Variants in PTPRG observed in about 807,000 individuals in gnomAD.
PTPRG encodes the protein receptor-type tyrosine-protein phosphatase gamma.
Under a neutral mutation model 165.3 loss-of-function variants are expected in PTPRG, and 102 were observed. That is an observed-to-expected ratio of 0.62 (90% confidence interval 0.53 to 0.73). PTPRG has a LOEUF of 0.73. Ranked by LOEUF, PTPRG falls within the 30% of genes least tolerant of loss-of-function variation. PTPRG has a pLI of 0.00. For synonymous variants in PTPRG, 675 were observed against 669.5 expected (o/e 1.01, Z -0.13); for missense variants, 1,866 against 1,861.4 (o/e 1.00, Z -0.05).
intron 2 of PTPRG, among the ~76,000 whole-genome samples, chr3:61,919,937 A>C (rs1157418049): frequency 6.6e-6 from 1 of 152,176 alleles, no homozygotes; most frequent in African/African-American, 2.4e-5. Context: ...TTCTAATCCT[A>C]TTGGTTACCC....
intron 1 of PTPRG, among the ~76,000 whole-genome samples, chr3:61,615,476 G>T (rs1701276107): frequency 2.6e-5 from 4 of 152,196 alleles, no homozygotes; most frequent in Non-Finnish European, 5.9e-5. Context: ...ATCCTATCAG[G>T]TGATTTGATT....
intron 2 of PTPRG, among the ~76,000 whole-genome samples, chr3:61,761,860 A>G (rs2033847717): frequency 6.6e-6 from 1 of 152,038 alleles, no homozygotes; most frequent in Non-Finnish European, 1.5e-5. Flanking sequence ...TGCCCCAATT[A>G]TTGTTGGCCA....
Position 62,233,757 on chromosome 3 carries a change from G to A in PTPRG, c.2375+2446G>A, listed in dbSNP as rs1700960816. On this transcript the variant is annotated intron_variant, in intron 14 of 29. Transcript: ENST00000474889. This position sits in a 1 kb window ranked among gnomAD's most constrained non-coding sequence, Gnocchi z 4.7. ...CTGTGCCGCTAAGACGCGTTGCACAGAGAATTGCTAAAAGCAGGACAACAG... is the reference window on the plus strand; with the variant it reads ...CTGTGCCGCTAAGACGCGTTGCACAAAGAATTGCTAAAAGCAGGACAACAG... Among the ~76,000 whole-genome samples, 1 of 152,196 alleles carries A rather than the reference G, an allele frequency of 6.6e-6. No homozygotes were observed. Among genetic ancestry groups the A allele is most frequent in the Non-Finnish European group, 1.5e-5 (1 of 68,036 alleles).
intron 1 of PTPRG, among the ~76,000 whole-genome samples, chr3:61,687,968 G>A (rs867076835): frequency 2.6e-5 from 4 of 152,168 alleles, no homozygotes; most frequent in South Asian, 4.1e-4. Context: ...AAAAGGAATC[G>A]CGTACCCAGC....
rs182489508 is a variant in PTPRG, at chr3:61,579,285, C to T, written c.85+16913C>T. Among the ~76,000 whole-genome samples the T allele has an allele frequency of 7.6e-4, 116 of 152,282 alleles. 1 individual carries two copies. The highest frequency in any genetic ancestry group is 2.7e-3 in the African/African-American group (114 of 41,564). On this transcript the variant is annotated intron_variant, in intron 1 of 29. Coordinates refer to ENST00000474889, the MANE Select transcript of PTPRG (RefSeq NM_002841.4). Reference sequence around the variant, plus strand: ...GCCTCTAGCGACAGCTCCCTCTCCCCGTGTCCCTTCATGGGGTCTGGGAGT... The same window carrying T: ...GCCTCTAGCGACAGCTCCCTCTCCCTGTGTCCCTTCATGGGGTCTGGGAGT...
intron 5 of PTPRG, among the ~76,000 whole-genome samples, chr3:62,082,654 C>T (rs1008013838): frequency 6.6e-6 from 1 of 152,084 alleles, no homozygotes; most frequent in Admixed American, 6.5e-5. Flanking sequence ...TGGCCCGGAC[C>T]CCAGTAACTC....
chr3:62,066,848 C>T (rs1701029457), intron 4 of PTPRG, among the ~76,000 whole-genome samples: 2 of 152,070 alleles, frequency 1.3e-5, no homozygotes, highest in Admixed American at 6.5e-5. Flanking sequence ...GACCATCCTG[C>T]TCAACATGGT....
chr3:62,157,235 TTCC>T lies in PTPRG; in HGVS notation c.840+14_840+16del. On this transcript the variant is annotated intron_variant, in intron 7 of 29. Transcript: ENST00000474889. ...ATCTCTTACCATCAGGTAGATATTC[TTCC>T]TCAAGTGGGGTTTCTGTGTTTACTT... 1 of 1,610,654 alleles carries T rather than the reference TTCC, an allele frequency of 6.2e-7. No individual in the cohort carries two copies. Among genetic ancestry groups the T allele is most frequent in the Non-Finnish European group, 8.5e-7 (1 of 1,177,130 alleles).
chr3:61,951,543 G>A (rs1011046653), intron 2 of PTPRG, among the ~76,000 whole-genome samples: 3 of 152,106 alleles, frequency 2.0e-5, no homozygotes, highest in South Asian at 2.1e-4. Context: ...GGATTATTTC[G>A]TGGGAAGATG....
At chr3:61,728,345 G>A (rs1161337938) in intron 1 of PTPRG, among the ~76,000 whole-genome samples, 1 of 152,188 alleles carries the variant, frequency 6.6e-6, no homozygotes, top group Non-Finnish European at 1.5e-5. Flanking sequence ...ACTTTGGAAG[G>A]CTGAGGTAGG....
intron 5 of PTPRG, among the ~76,000 whole-genome samples, chr3:62,096,830 G>A (rs1341119039): frequency 6.6e-6 from 1 of 152,158 alleles, no homozygotes; most frequent in East Asian, 1.9e-4. Flanking sequence ...GAACAAATTA[G>A]GTGGATGGTT....
intron 5 of PTPRG, among the ~76,000 whole-genome samples, chr3:62,086,600 G>C (rs1701760716): frequency 6.6e-6 from 1 of 152,058 alleles, no homozygotes; most frequent in Admixed American, 6.6e-5. Flanking sequence ...CACATCCTTG[G>C]TTTTATCCAG....
chr3:61,658,693 G>A (rs6771875), intron 1 of PTPRG, among the ~76,000 whole-genome samples: 38,038 of 151,950 alleles, frequency 0.25, 6,153 homozygotes, highest in African/African-American at 0.47. Context: ...GGATTTGATT[G>A]GTCTTGTTCA....
intron 7 of PTPRG, among the ~76,000 whole-genome samples, chr3:62,164,233 A>G (rs1418460271): frequency 1.3e-5 from 2 of 152,186 alleles, no homozygotes; most frequent in African/African-American, 2.4e-5. Context: ...TTGGAATCAA[A>G]CAAAGTGGAG....
At chr3:61,803,948 C>A (rs940737112) in intron 2 of PTPRG, among the ~76,000 whole-genome samples, 1 of 152,102 alleles carries the variant, frequency 6.6e-6, no homozygotes, top group Admixed American at 6.5e-5. Flanking sequence ...ACTACCTTTC[C>A]CTTAGAGTTG....
chr3:62,110,375 A>G (rs1337505610), intron 5 of PTPRG, among the ~76,000 whole-genome samples: 1 of 152,022 alleles, frequency 6.6e-6, no homozygotes, highest in African/African-American at 2.4e-5. Context: ...GTCTGATTAC[A>G]TCGGACGTTC....
intron 2 of PTPRG, among the ~76,000 whole-genome samples, chr3:61,926,606 TCCC>T (rs1559693514): frequency 2.0e-4 from 7 of 35,182 alleles, no homozygotes; most frequent in African/African-American, 6.4e-4. Flanking sequence ...CCTCCCTCCC[TCCC>T]TCCTTCCTTC....
At chr3:62,268,995 T>C (rs374245227) in intron 19 of PTPRG, 40 bp from the exon 20 acceptor site, 2 of 1,504,964 alleles carry the variant, frequency 1.3e-6, no homozygotes, top group African/African-American at 1.4e-5. Context: ...AATTGTGGCA[T>C]AGATTGCAGT....
At chr3:61,864,845 T>A (rs981552786) in intron 2 of PTPRG, among the ~76,000 whole-genome samples, 16 of 152,204 alleles carry the variant, frequency 1.1e-4, no homozygotes, top group African/African-American at 3.9e-4. Flanking sequence ...TGTTCTCTCA[T>A]TCTTCCCAGA....
Sources: gnomAD v4.1 joint callset for allele counts (sites outside exome capture counted in the v4.1 genomes callset) on GRCh38, gnomAD v4.1.1 for gene constraint, Gnocchi (gnomAD v3.1) non-coding constraint, MANE v1.5 for transcripts, NCBI Gene and HGNC (gene_info 2026-07-23, HGNC 2026-07-21) for gene names.